Variants in ANKHD1 observed in about 807,000 individuals in gnomAD.
ANKHD1 encodes the protein ankyrin repeat and KH domain-containing protein 1.
Under a neutral mutation model 230.5 loss-of-function variants are expected in ANKHD1, and 31 were observed. The observed-to-expected ratio is 0.13, with a 90% CI of 0.10 to 0.18. The LOEUF is 0.18. Ranked by LOEUF, ANKHD1 falls within the 10% of genes least tolerant of loss-of-function variation. The probability of loss-of-function intolerance (pLI) is 1.00; values close to 1 mark genes in which losing one functional copy is unlikely to be tolerated. For synonymous variants in ANKHD1, 1,074 were observed against 1,117.6 expected, an observed-to-expected ratio of 0.96 and a Z score of 0.78; for missense variants, 2,256 against 3,071.3, an observed-to-expected ratio of 0.73 and a Z score of 6.27.
rs749589491 is a variant in ANKHD1 at position 140,507,546 on chromosome 5, A to T, written c.3552-239A>T. Among the ~76,000 whole-genome samples the T allele has an allele frequency of 1.3e-5, 2 of 152,180 alleles. No individual in the cohort carries two copies. The highest frequency in any genetic ancestry group is 2.4e-5 in the African/African-American group (1 of 41,446). On this transcript the variant is annotated intron_variant, in intron 19 of 33. Transcript: ENST00000360839. The surrounding 1 kb of genome is among the most constrained non-coding windows in gnomAD (Gnocchi z 4.1). The stretch of plus-strand genomic sequence containing the variant: ...GGTCTCAAACTCCCGACCTCAGGTG[A>T]TCTGCCCTCCTTGGCCTCCCAAAGT...
intron 24 of ANKHD1, among the ~76,000 whole-genome samples, chr5:140,513,986 A>G (rs1422793445): frequency 1.3e-5 from 2 of 151,620 alleles, no homozygotes; most frequent in African/African-American, 4.8e-5. Context: ...ACTGCACTCT[A>G]GCCTGGGTGA....
At position 140,489,829 on chromosome 5, in the gene ANKHD1, A is replaced by G. The variant is rs537613340; in HGVS notation, c.2245+2769A>G. On this transcript the variant is annotated intron_variant, in intron 14 of 33. Coordinates refer to ENST00000360839, the MANE Select transcript of ANKHD1 (RefSeq NM_017747.3). The stretch of plus-strand genomic sequence containing the variant: ...GATCACTTGGGCACTTGCTACTGCT[A>G]TCAACCAAATGGCATTGGCAATCTA... Among the ~76,000 whole-genome samples the G allele has an allele frequency of 3.3e-5, 5 of 152,354 alleles. No individual in the cohort carries two copies. In the South Asian group the frequency reaches 1.0e-3, roughly 32 times the overall value.
chr5:140,478,639 G>A (rs1272514839), intron 10 of ANKHD1, among the ~76,000 whole-genome samples: 2 of 151,860 alleles, frequency 1.3e-5, no homozygotes, highest in African/African-American at 4.8e-5. Context: ...AGGGTTTTTG[G>A]GTTTTTTTGT....
chr5:140,440,956 A>G (rs777563311), intron 4 of ANKHD1, 39 bp from the exon 5 acceptor site: 2 of 1,505,184 alleles, frequency 1.3e-6, no homozygotes, highest in Admixed American at 4.6e-5. Context: ...TTGAATAGTA[A>G]GAATTAACAA....
Position 140,459,180 on chromosome 5 carries a change from C to T in ANKHD1, c.1497C>T (p.Ala499=), listed in dbSNP as rs767853588. ...CTTTCCTAGGAGCAAATATAAATGC[C>T]CAGACAGAAGAAACTCAAGAAACTG... The part of the protein sequence containing the change: ...LLLAQGANIN[A]QTEETQETAL... Residue 499 remains alanine (A), a synonymous_variant, in exon 9 of 34, where the codon GCC becomes GCT. Coordinates refer to ENST00000360839, the MANE Select transcript of ANKHD1 (RefSeq NM_017747.3). The T allele has an allele frequency of 5.0e-6, 8 of 1,589,378 alleles. No homozygotes were observed. The highest frequency in any genetic ancestry group is 4.0e-5 in the African/African-American group (3 of 74,080).
At chr5:140,429,630 A>T (rs554423990) in intron 1 of ANKHD1, among the ~76,000 whole-genome samples, 2 of 152,190 alleles carry the variant, frequency 1.3e-5, no homozygotes, top group Admixed American at 1.3e-4. Context: ...AAACAAATAT[A>T]TGTAATGTAC....
chr5:140,461,964 T>A (rs910734455), intron 9 of ANKHD1, among the ~76,000 whole-genome samples: 4 of 152,160 alleles, frequency 2.6e-5, no homozygotes, highest in Admixed American at 2.6e-4. Context: ...AAGCCTTTTT[T>A]AATCTATGGG....
At chr5:140,538,861 T>C in intron 32 of ANKHD1, 58 bp from the exon 33 acceptor site, 1 of 1,375,982 alleles carries the variant, frequency 7.3e-7, no homozygotes, top group Non-Finnish European at 9.4e-7. Context: ...ATGGGATTTA[T>C]AGTAATTTTA....
Position 140,498,417 on chromosome 5 carries a change from G to T in ANKHD1, c.3004+1139G>T, listed in dbSNP as rs571560097. On this transcript the variant is annotated intron_variant, in intron 15 of 33. Transcript: ENST00000360839. ...TTGGGCATGTGTTTGACTTCCAATG[G>T]TTATAGAATTGTGATATTGCCTTTG... Among the ~76,000 whole-genome samples the T allele has an allele frequency of 1.4e-4, 22 of 152,260 alleles. No homozygotes were observed. In the South Asian group the frequency reaches 4.6e-3, roughly 32 times the overall value.
intron 9 of ANKHD1, among the ~76,000 whole-genome samples, chr5:140,461,951 C>T (rs1775731445): frequency 6.6e-6 from 1 of 152,018 alleles, no homozygotes; most frequent in Admixed American, 6.6e-5. Flanking sequence ...ATCAATGTCT[C>T]TTAAGCCTTT....
chr5:140,526,617 T>C (rs1210027164), intron 26 of ANKHD1, among the ~76,000 whole-genome samples, 174 bp downstream of exon 26: 1 of 152,228 alleles, frequency 6.6e-6, no homozygotes, highest in African/African-American at 2.4e-5. Flanking sequence ...TATCATTTGC[T>C]AGTTAGGAAA....
intron 1 of ANKHD1, among the ~76,000 whole-genome samples, chr5:140,403,556 C>T (rs1375339303): frequency 6.6e-6 from 1 of 151,960 alleles, no homozygotes; most frequent in Admixed American, 6.6e-5. Context: ...GGACTACAGG[C>T]GCGTGCCACC....
intron 15 of ANKHD1, among the ~76,000 whole-genome samples, chr5:140,499,911 C>T (rs71574491): frequency 7.3e-5 from 11 of 151,030 alleles, no homozygotes; most frequent in Admixed American, 2.6e-4. Flanking sequence ...CTCAGTCATC[C>T]GGGCTGGAGT....
In ANKHD1 at chr5:140,427,507, C is replaced by T. The variant is rs868121157; in HGVS notation, c.307-8597C>T. Among the ~76,000 whole-genome samples the T allele has an allele frequency of 1.6e-3, 206 of 124,946 alleles. 1 individual carries two copies. In the Middle Eastern group the frequency reaches 0.02, roughly 12 times the overall value. 82.0% of individuals were successfully genotyped at this position (124,946 alleles called of 152,430 possible). A position where few individuals can be genotyped will look rare whatever the true frequency, so the allele number is the denominator to read the frequency against. On this transcript the variant is annotated intron_variant, in intron 1 of 33. Transcript: ENST00000360839. ...CCCAGTAGGGGCGGCCGGGCAGAGG[C>T]GCCCCTCACCTCCCGGACGGGGCGG... is the stretch of plus-strand genomic sequence containing the variant.
At chr5:140,409,436 T>C (rs1770744969) in intron 1 of ANKHD1, among the ~76,000 whole-genome samples, 1 of 152,226 alleles carries the variant, frequency 6.6e-6, no homozygotes, top group African/African-American at 2.4e-5. Flanking sequence ...ATTCCATAAA[T>C]TATCATTTGT....
chr5:140,482,216 C>A (rs914217596), intron 10 of ANKHD1, among the ~76,000 whole-genome samples: 1 of 152,090 alleles, frequency 6.6e-6, no homozygotes, highest in Non-Finnish European at 1.5e-5. Flanking sequence ...GATCAAGATT[C>A]TTCTAATCAT....
intron 10 of ANKHD1, chr5:140,465,050 C>T (rs1775989867): frequency 9.8e-6 from 2 of 203,512 alleles, no homozygotes; most frequent in Admixed American, 1.1e-4. Context: ...TTTTAAACTG[C>T]CATCTGTTAG....
chr5:140,504,050 C>T (rs568910957), intron 15 of ANKHD1, among the ~76,000 whole-genome samples: 2 of 151,938 alleles, frequency 1.3e-5, no homozygotes, highest in East Asian at 1.9e-4. Context: ...TTGTCTCCCT[C>T]CCCTCCCCCA....
At chr5:140,525,479 C>T (rs1226750140) in intron 25 of ANKHD1, among the ~76,000 whole-genome samples, 4 of 152,112 alleles carry the variant, frequency 2.6e-5, no homozygotes, top group Non-Finnish European at 5.9e-5. Flanking sequence ...CCCAGGAGAT[C>T]TTGAACTCTT....
Sources: allele counts gnomAD v4.1 joint callset (sites outside exome capture counted in the v4.1 genomes callset), GRCh38; gene constraint gnomAD v4.1.1; non-coding constraint Gnocchi (gnomAD v3.1); transcripts MANE v1.5; gene names NCBI Gene and HGNC (gene_info 2026-07-23, HGNC 2026-07-21).